Variants in STPG1 observed in about 807,000 individuals in gnomAD.
The protein encoded by STPG1 is O(6)-methylguanine-induced apoptosis 2.
In STPG1, 33 loss-of-function variants were observed where a neutral mutation model predicts 40.1. The ratio of observed to expected loss-of-function variants is 0.82; its 90% CI spans 0.62 to 1.10. STPG1 has a LOEUF of 1.10. STPG1 is among the 50% of genes least tolerant of loss of function. STPG1 has a pLI of 0.00. For synonymous variants in STPG1, 150 were observed against 155.0 expected (o/e 0.97, Z 0.24); for missense variants, 396 against 415.1 (o/e 0.95, Z 0.40).
intron 1 of STPG1, among the ~76,000 whole-genome samples, chr1:24,403,724 G>T (rs1369641767): frequency 6.6e-6 from 1 of 151,884 alleles, no homozygotes; most frequent in Non-Finnish European, 1.5e-5. Context: ...CAAAAAAATG[G>T]TCTTAAAATT....
At chr1:24,360,828 A>G (rs1170026314) in intron 8 of STPG1, 23 bp downstream of exon 8, 7 of 1,569,688 alleles carry the variant, frequency 4.5e-6, no homozygotes, top group Non-Finnish European at 6.0e-6. Context: ...GGTTTTTACA[A>G]TCATTTAAAA....
intron 2 of STPG1, among the ~76,000 whole-genome samples, chr1:24,397,667 C>T (rs774643368): frequency 2.1e-4 from 32 of 150,342 alleles, no homozygotes; most frequent in Non-Finnish European, 3.3e-4. Context: ...AAAAACCATA[C>T]GAGTATCTCA....
chr1:24,396,594 C>G (rs1051349754), intron 2 of STPG1, among the ~76,000 whole-genome samples: 2 of 152,106 alleles, frequency 1.3e-5, no homozygotes. Flanking sequence ...TGGCCGTGTT[C>G]CAATAAAACT....
At position 24,379,817 on chromosome 1, in the gene STPG1, G is replaced by A. The variant is rs764327921; in HGVS notation, c.298C>T (p.Arg100Ter). ...TATTTAGAAATGATGGTGTCCAATCGGGCGCACTGTAAGGAGACAACCAAA... is the reference window on the plus strand; with the variant it reads ...TATTTAGAAATGATGGTGTCCAATCAGGCGCACTGTAAGGAGACAACCAAA... ...GTCMFPSMCA[R>*]LDTIISKYPA... The change falls in exon 5 of 9, where the codon CGA (arginine) becomes TGA (stop). Residue 100 changes from arginine (R) to a stop codon, truncating the protein, a stop_gained. Transcript: ENST00000337248. LOFTEE classifies it high-confidence loss of function. 4.3e-6 allele frequency: 7 copies of A among 1,613,674 alleles called. No individual in the cohort carries two copies. In the East Asian group the frequency reaches 6.7e-5, roughly 15 times the overall value.
At chr1:24,409,743 C>T (rs1570111374) in intron 1 of STPG1, among the ~76,000 whole-genome samples, 1 of 152,148 alleles carries the variant, frequency 6.6e-6, no homozygotes, top group African/African-American at 2.4e-5. Context: ...ATTTGCTACC[C>T]CACCATTAGT....
chr1:24,386,938 G>A (rs1038609735), intron 3 of STPG1, among the ~76,000 whole-genome samples: 3 of 152,230 alleles, frequency 2.0e-5, no homozygotes, highest in Non-Finnish European at 4.4e-5. Flanking sequence ...GCCTCTAAGT[G>A]TGAGGATTGA....
At chr1:24,400,586 C>T (rs115086837) in intron 2 of STPG1, among the ~76,000 whole-genome samples, 2 of 152,306 alleles carry the variant, frequency 1.3e-5, no homozygotes, top group African/African-American at 4.8e-5. Context: ...AAAGAGAGAT[C>T]TCTCTGGATT....
rs1570044938 is a variant in STPG1, at chr1:24,384,118, C to G, written c.190-115G>C. The G allele has an allele frequency of 6.9e-5, 45 of 653,874 alleles. No individual in the cohort carries two copies. In the East Asian group the frequency reaches 1.2e-3, roughly 18 times the overall value. 40.5% of individuals were successfully genotyped at this position (653,874 alleles called of 1,614,324 possible). ...CTGTAATCCCACAGCACAGGCGCTA[C>G]CACCACTTGGTGGGTGACAGCCTAG... On this transcript the variant is annotated intron_variant, in intron 3 of 8. Coordinates refer to ENST00000337248, the MANE Select transcript of STPG1 (RefSeq NM_001199013.2).
intron 3 of STPG1, among the ~76,000 whole-genome samples, chr1:24,386,363 T>C (rs1298107804): frequency 6.6e-6 from 1 of 152,146 alleles, no homozygotes; most frequent in Non-Finnish European, 1.5e-5. Flanking sequence ...AGGAATGGAG[T>C]GCTGCCTGTT....
At position 24,379,701 on chromosome 1, in the gene STPG1, G is replaced by A. The variant is rs1642193699; in HGVS notation, c.414C>T (p.Ser138=). Residue 138 remains serine (S), a synonymous_variant, in exon 5 of 9, where the codon AGC becomes AGT. Coordinates refer to ENST00000337248, the MANE Select transcript of STPG1 (RefSeq NM_001199013.2). ...NSCSSMFQLP[S]FMKALKFETP... ...TTTCAAACTTGAGAGCTTTCATAAA[G>A]CTTGGCAACTGGAACATGCTGGAAC... 1.2e-6 allele frequency: 2 copies of A among 1,614,058 alleles called. No homozygotes were observed. Among genetic ancestry groups the A allele is most frequent in the Admixed American group, 1.7e-5 (1 of 60,008 alleles).
intron 2 of STPG1, among the ~76,000 whole-genome samples, chr1:24,400,197 C>T (rs1010535572): frequency 8.5e-5 from 13 of 152,172 alleles, no homozygotes; most frequent in Admixed American, 8.5e-4. Flanking sequence ...GAACAAATTA[C>T]TCATAGATAA....
At chr1:24,387,387 A>T (rs1369102959) in intron 3 of STPG1, among the ~76,000 whole-genome samples, 2 of 152,176 alleles carry the variant, frequency 1.3e-5, no homozygotes, top group Non-Finnish European at 2.9e-5. Context: ...TGGAAAGGAC[A>T]GCAATGACCA....
chr1:24,395,654 G>A lies in STPG1; in HGVS notation c.71-3975C>T, dbSNP rs562969540. The stretch of plus-strand genomic sequence containing the variant: ...TCACCGTGTTAGCCAGGATGGTCTC[G>A]ATCTCCTGACCTCATGATCTGCCCG... On this transcript the variant is annotated intron_variant, in intron 2 of 8. Transcript: ENST00000337248. Among the ~76,000 whole-genome samples, 8 of 152,180 alleles carry A rather than the reference G, an allele frequency of 5.3e-5. No individual in the cohort carries two copies. In the South Asian group the frequency reaches 1.5e-3, roughly 28 times the overall value.
chr1:24,373,736 T>C lies in STPG1; in HGVS notation c.537A>G (p.Gly179=). The change falls in exon 6 of 9, where the codon GGA becomes GGG. Residue 179 remains glycine (G), a synonymous_variant. Transcript: ENST00000337248. ...RAGFMSKTQR[G]SFAFADKGPP... ...GTCCTTTATCAGCAAAAGCGAAAGA[T>C]CCTCTTTGGGTTTTTGACATAAACC... 6.2e-7 allele frequency: 1 copy of C among 1,611,874 alleles called. No homozygotes were observed. Among genetic ancestry groups the C allele is most frequent in the Middle Eastern group, 1.7e-4 (1 of 6,060 alleles).
chr1:24,389,546 T>C (rs1642669952), intron 3 of STPG1, among the ~76,000 whole-genome samples: 1 of 152,140 alleles, frequency 6.6e-6, no homozygotes, highest in Admixed American at 6.5e-5. Context: ...GGTGGGTCAT[T>C]GAACTTCCCT....
rs376505490 is a variant in STPG1 at position 24,413,313 on chromosome 1, A to C, written c.-69+361T>G. Reference sequence around the variant, plus strand: ...TGAGCTGGGGTGAACCTATGAGTAGAGATCAGGTCTTTGGCGTCCACCCAC... The same window carrying C: ...TGAGCTGGGGTGAACCTATGAGTAGCGATCAGGTCTTTGGCGTCCACCCAC... On this transcript the variant is annotated intron_variant, in intron 1 of 8. Transcript: ENST00000337248. Among the ~76,000 whole-genome samples, 4 of 152,216 alleles carry C rather than the reference A, an allele frequency of 2.6e-5. No individual in the cohort carries two copies. The South Asian group carries it at 6.2e-4, about 24-fold the overall frequency.
intron 4 of STPG1, 114 bp from the exon 5 acceptor site, chr1:24,379,937 G>T: frequency 9.6e-7 from 1 of 1,047,096 alleles, no homozygotes; most frequent in Non-Finnish European, 1.3e-6. Flanking sequence ...TATAAAAGGC[G>T]AAACTCTGGC....
intron 2 of STPG1, among the ~76,000 whole-genome samples, chr1:24,393,244 T>C (rs1642856190): frequency 6.6e-6 from 1 of 152,216 alleles, no homozygotes; most frequent in Non-Finnish European, 1.5e-5. Flanking sequence ...CACTGAAGCC[T>C]AATCTGCCTG....
At chr1:24,372,362 A>C (rs970011993) in intron 6 of STPG1, among the ~76,000 whole-genome samples, 3 of 152,164 alleles carry the variant, frequency 2.0e-5, no homozygotes, top group African/African-American at 7.2e-5. Flanking sequence ...GCATTCAGTG[A>C]GATAATGAAT....
Sources: allele counts gnomAD v4.1 joint callset (sites outside exome capture counted in the v4.1 genomes callset), GRCh38; gene constraint gnomAD v4.1.1; transcripts MANE v1.5; gene names NCBI Gene and HGNC (gene_info 2026-07-23, HGNC 2026-07-21).